SLC4A7: variants seen among roughly 807,000 people sequenced by gnomAD.
The protein encoded by SLC4A7 is solute carrier family 4 member 7.
SLC4A7 carries 51 observed loss-of-function variants against 137.6 expected under a neutral mutation model. The ratio of observed to expected loss-of-function variants is 0.37; its 90% confidence interval spans 0.30 to 0.47. The LOEUF (loss-of-function observed/expected upper bound fraction) is 0.47, where lower values mean the gene tolerates loss of function less well. Ranked by LOEUF, SLC4A7 falls within the 20% of genes least tolerant of loss-of-function variation. The pLI is 1.00. For missense variants in SLC4A7, 1,247 were observed against 1,525.4 expected, an observed-to-expected ratio of 0.82 and a Z score of 3.04; for synonymous variants, 542 against 518.6, an observed-to-expected ratio of 1.05 and a Z score of -0.61.
rs1282659942 is a variant in SLC4A7, at chr3:27,405,020, G to A, written c.1942-57C>T. ...AATACATCATAAACATTTCTCTAAC[G>A]TACTATAATACATGTAAGACATCTG... On this transcript the variant is annotated intron_variant, in intron 13 of 25. Coordinates refer to ENST00000454389, the MANE Select transcript of SLC4A7 (RefSeq NM_001321103.2). The A allele has an allele frequency of 2.4e-5, 31 of 1,266,960 alleles. No homozygotes were observed. In the South Asian group the frequency reaches 2.6e-4, roughly 11 times the overall value. The allele number at this position is 1,266,960 out of a possible 1,614,324, so 78.5% of individuals were successfully genotyped here. A position where few individuals can be genotyped will look rare whatever the true frequency, so the allele number is the denominator to read the frequency against.
intron 16 of SLC4A7, among the ~76,000 whole-genome samples, chr3:27,400,393 A>G (rs2052626662): frequency 6.6e-6 from 1 of 152,242 alleles, no homozygotes; most frequent in Non-Finnish European, 1.5e-5. Flanking sequence ...ATAAAAAGGC[A>G]GGACAAGTGG....
chr3:27,398,224 G>C lies in SLC4A7; in HGVS notation c.2557C>G (p.Gln853Glu). The change falls in exon 17 of 26, where the codon CAA becomes GAA. Residue 853 changes from glutamine (Q) to glutamate (E), a missense_variant. By Grantham distance (29) the Gln-to-Glu change is conservative. Coordinates refer to ENST00000454389, the MANE Select transcript of SLC4A7 (RefSeq NM_001321103.2). The stretch of plus-strand genomic sequence containing the variant: ...GGAAAGTAACGCTTGGTCTTAAATT[G>C]CTTGAGGAATGAAGACAGAAAAAAT... ...TTFFLSSFLK[Q>E]FKTKRYFPTK... 1 of 1,612,568 alleles carries C rather than the reference G, an allele frequency of 6.2e-7. No homozygotes were observed. The highest frequency in any genetic ancestry group is 8.5e-7 in the Non-Finnish European group (1 of 1,178,866).
At position 27,421,686 on chromosome 3, in the gene SLC4A7, C is replaced by A; in HGVS notation, c.1360G>T (p.Ala454Ser). 6.2e-7 allele frequency: 1 copy of A among 1,614,012 alleles called. No individual in the cohort carries two copies. Among genetic ancestry groups the A allele is most frequent in the Non-Finnish European group, 8.5e-7 (1 of 1,179,940 alleles). Reference sequence around the variant, plus strand: ...ACAGCAGGAGCCAGTCTCACAAATGCAATTATTGGCCTTTCCAAAAAGTCT... The same window carrying A: ...ACAGCAGGAGCCAGTCTCACAAATGAAATTATTGGCCTTTCCAAAAAGTCT... ...EVDFLERPII[A>S]FVRLAPAVLL... The change falls in exon 9 of 26, where the codon GCA becomes TCA. Residue 454 changes from alanine (A) to serine (S), a missense_variant. Transcript: ENST00000454389.
intron 24 of SLC4A7, among the ~76,000 whole-genome samples, chr3:27,380,260 T>C (rs112103577): frequency 0.063 from 9,409 of 149,456 alleles, 989 homozygotes; most frequent in African/African-American, 0.22. Context: ...TGAGTCGAGA[T>C]TGCACCACTG....
intron 3 of SLC4A7, among the ~76,000 whole-genome samples, chr3:27,445,837 C>T (rs1467374631): frequency 1.4e-5 from 2 of 138,154 alleles, no homozygotes; most frequent in Admixed American, 7.6e-5. Context: ...GAGGCTGAGG[C>T]AGGAGAATTG....
chr3:27,403,296 T>C lies in SLC4A7; in HGVS notation c.2164A>G (p.Ser722Gly), dbSNP rs1317388119. The stretch of plus-strand genomic sequence containing the variant: ...CGAGTAATATAACACACAAGGCTGC[T>C]TGCATCTGTTGCAACCAAAACAATG... ...LCIVLVATDA[S>G]SLVCYITRFT... Residue 722 changes from serine to glycine, a missense_variant, in exon 15 of 26, where the codon AGC becomes GGC. Ser to Gly is a moderately conservative substitution (Grantham distance 56, BLOSUM62 0). This residue lies in a region of SLC4A7 where 499 missense variants were observed against 664.2 expected (regional missense o/e 0.75). Transcript: ENST00000454389. 3 of 1,613,882 alleles carry C rather than the reference T, an allele frequency of 1.9e-6. No homozygotes were observed. Among genetic ancestry groups the C allele is most frequent in the Admixed American group, 1.7e-5 (1 of 59,998 alleles).
At chr3:27,424,178 T>C (rs201356886) in intron 7 of SLC4A7, 26 bp from the exon 8 acceptor site, 2 of 1,223,222 alleles carry the variant, frequency 1.6e-6, no homozygotes, top group African/African-American at 3.0e-5. Context: ...AATTCCAAAT[T>C]AGTAAGGAGA....
In SLC4A7 at chr3:27,456,984, G is replaced by A; in HGVS notation, c.61-4486C>T. Reference sequence around the variant, plus strand: ...TTTTCAACTGAAACCTTTCTGCAATGTTAGTACAAAGAGTGCATACTCTAA... The same window carrying A: ...TTTTCAACTGAAACCTTTCTGCAATATTAGTACAAAGAGTGCATACTCTAA... On this transcript the variant is annotated intron_variant, in intron 1 of 25. Coordinates refer to ENST00000454389, the MANE Select transcript of SLC4A7 (RefSeq NM_001321103.2). The A allele has an allele frequency of 5.2e-6, 5 of 961,504 alleles. No homozygotes were observed. In the South Asian group the frequency reaches 1.4e-4, roughly 28 times the overall value. The allele number at this position is 961,504 out of a possible 1,614,324, so 59.6% of individuals were successfully genotyped here.
At chr3:27,465,683 G>A (rs928059720) in intron 1 of SLC4A7, among the ~76,000 whole-genome samples, 6 of 152,076 alleles carry the variant, frequency 3.9e-5, no homozygotes, top group Admixed American at 3.9e-4. Flanking sequence ...GAATTAGGCC[G>A]GCACCGTGGC....
At chr3:27,463,152 G>A (rs2058787079) in intron 1 of SLC4A7, among the ~76,000 whole-genome samples, 1 of 152,202 alleles carries the variant, frequency 6.6e-6, no homozygotes, top group Non-Finnish European at 1.5e-5. Context: ...TTAGGGCCGG[G>A]CGCGGTGGCT....
chr3:27,381,345 T>C (rs1252101256), intron 24 of SLC4A7, among the ~76,000 whole-genome samples: 1 of 152,236 alleles, frequency 6.6e-6, no homozygotes, highest in Non-Finnish European at 1.5e-5. Flanking sequence ...TGGTGATAAT[T>C]ACTAACAACC....
intron 16 of SLC4A7, among the ~76,000 whole-genome samples, chr3:27,400,431 T>C (rs967915473): frequency 1.3e-5 from 2 of 152,186 alleles, no homozygotes; most frequent in African/African-American, 4.8e-5. Flanking sequence ...GGACAGTATA[T>C]GTAGCCACAG....
rs200119946 is a variant in SLC4A7, at chr3:27,398,402, C to T, written c.2428-49G>A. The T allele has an allele frequency of 7.6e-5, 113 of 1,488,266 alleles. No homozygotes were observed. In the East Asian group the frequency reaches 1.7e-3, roughly 23 times the overall value. The allele number at this position is 1,488,266 out of a possible 1,614,324, so 92.2% of individuals were successfully genotyped here. On this transcript the variant is annotated intron_variant, in intron 16 of 25. Coordinates refer to ENST00000454389, the MANE Select transcript of SLC4A7 (RefSeq NM_001321103.2). The stretch of plus-strand genomic sequence containing the variant: ...GCAGAATGGGGGATTCTTACGTATT[C>T]AATAAATTATTATGAGCTTCATTGA...
Position 27,421,926 on chromosome 3 carries a change from C to G in SLC4A7, c.1267-147G>C, listed in dbSNP as rs1195482203. The G allele has an allele frequency of 1.1e-5, 7 of 622,550 alleles. No individual in the cohort carries two copies. In the East Asian group the frequency reaches 1.9e-4, roughly 17 times the overall value. The allele number at this position is 622,550 out of a possible 1,614,324, so 38.6% of individuals were successfully genotyped here. Reference sequence around the variant, plus strand: ...AATGTTTAAAATGTCAAAATTTTCACAAATATAAAGAATGGAGTAGACATA... The same window carrying G: ...AATGTTTAAAATGTCAAAATTTTCAGAAATATAAAGAATGGAGTAGACATA... On this transcript the variant is annotated intron_variant, in intron 8 of 25. Transcript: ENST00000454389.
intron 1 of SLC4A7, among the ~76,000 whole-genome samples, chr3:27,483,844 C>A (rs2150780536): frequency 6.6e-6 from 1 of 151,368 alleles, no homozygotes; most frequent in East Asian, 2.0e-4. Flanking sequence ...CCGCCGGCCG[C>A]CCCGACTCGG....
intron 13 of SLC4A7, among the ~76,000 whole-genome samples, chr3:27,407,838 G>A (rs2053533651): frequency 6.6e-6 from 1 of 151,444 alleles, no homozygotes; most frequent in South Asian, 2.1e-4. Context: ...TATCTTTCTT[G>A]TTAACTTCCT....
intron 1 of SLC4A7, among the ~76,000 whole-genome samples, chr3:27,459,370 G>A (rs922465467): frequency 2.0e-5 from 3 of 152,078 alleles, no homozygotes; most frequent in African/African-American, 7.2e-5. Context: ...GTTTATAGGT[G>A]AAATGGTGAA....
intron 13 of SLC4A7, among the ~76,000 whole-genome samples, chr3:27,407,284 A>T (rs1487243395): frequency 6.6e-6 from 1 of 151,918 alleles, no homozygotes; most frequent in African/African-American, 2.4e-5. Flanking sequence ...TATCGAGACC[A>T]GCCTGACCAA....
At chr3:27,398,915 C>T (rs894482186) in intron 16 of SLC4A7, among the ~76,000 whole-genome samples, 5 of 151,538 alleles carry the variant, frequency 3.3e-5, no homozygotes, top group South Asian at 2.1e-4. Context: ...GTAAAATGAC[C>T]GTTAAAATAT....
Sources: gnomAD v4.1 joint callset for allele counts (sites outside exome capture counted in the v4.1 genomes callset) on GRCh38, gnomAD v4.1.1 for gene constraint, gnomAD v4.1.1 regional missense constraint, MANE v1.5 for transcripts, NCBI Gene and HGNC (gene_info 2026-07-23, HGNC 2026-07-21) for gene names.